JPH3: variants seen among roughly 807,000 people sequenced by gnomAD.
JPH3 encodes the protein junctophilin 3.
A neutral mutation model predicts 59.6 loss-of-function variants in JPH3; 11 were observed. The ratio of observed to expected loss-of-function variants is 0.18; its 90% CI spans 0.12 to 0.31. The LOEUF is 0.31. Among genes scored for constraint, JPH3 ranks in the 10% least tolerant of loss-of-function variants. The pLI, the probability that JPH3 is intolerant of heterozygous loss-of-function variation, is 1.00. For missense variants in JPH3, 1,202 were observed against 1,105.7 expected, an observed-to-expected ratio of 1.09 and a Z score of -1.24; for synonymous variants, 673 against 483.6, an observed-to-expected ratio of 1.39 and a Z score of -5.14.
Position 87,696,696 on chromosome 16 carries a change from G to GA in JPH3, c.*42dup. 3 of 1,526,762 alleles carry GA rather than the reference G, an allele frequency of 2.0e-6. No individual in the cohort carries two copies. Among genetic ancestry groups the GA allele is most frequent in the Non-Finnish European group, 2.7e-6 (3 of 1,104,062 alleles). 94.6% of individuals were successfully genotyped at this position (1,526,762 alleles called of 1,614,324 possible). ...CGGTAGCAAAAATAGAGAAAGGGTA[G>GA]AAAAAAGGGACATTAAAATTAAAAG... On this transcript the variant is annotated 3_prime_UTR_variant, in exon 5 of 5. Coordinates refer to ENST00000284262, the MANE Select transcript of JPH3 (RefSeq NM_020655.4).
rs571500744 is a variant in JPH3 at position 87,625,478 on chromosome 16, G to A, written c.383-18780G>A. ...CTGAACCCTGCCCTTGGTGCTGCAC[G>A]GTCACTTGCCATTTTCGCAGAGGGG... On this transcript the variant is annotated intron_variant, in intron 1 of 4. Transcript: ENST00000284262. Among the ~76,000 whole-genome samples the A allele has an allele frequency of 2.1e-4, 32 of 152,276 alleles. No homozygotes were observed. In the East Asian group the frequency reaches 6.0e-3, roughly 28 times the overall value.
intron 2 of JPH3, among the ~76,000 whole-genome samples, chr16:87,676,038 G>T (rs988287466): frequency 6.6e-6 from 1 of 152,270 alleles, no homozygotes; most frequent in Non-Finnish European, 1.5e-5. Context: ...GGTTTCTGTC[G>T]CAGGCGACGA....
At chr16:87,659,385 AAGAAAAAAAAAAAG>A (rs1270702083) in intron 2 of JPH3, among the ~76,000 whole-genome samples, 13 of 118,304 alleles carry the variant, frequency 1.1e-4, no homozygotes, top group Non-Finnish European at 2.2e-4. Flanking sequence ...AAAAAAAAAA[AAGAAAAAAAAAAAG>A]AAAACTACAC....
intron 1 of JPH3, among the ~76,000 whole-genome samples, chr16:87,616,451 C>T (rs1341670816): frequency 3.3e-5 from 5 of 151,344 alleles, no homozygotes; most frequent in Admixed American, 6.6e-5. Context: ...AGGGTTTCAC[C>T]GTGTTAGCCA....
chr16:87,619,776 T>G (rs2031104734), intron 1 of JPH3, among the ~76,000 whole-genome samples: 1 of 152,154 alleles, frequency 6.6e-6, no homozygotes, highest in South Asian at 2.1e-4. Context: ...CAAAGAGCCC[T>G]AGGACTTCTT....
At chr16:87,676,800 C>T (rs1160828199) in intron 2 of JPH3, among the ~76,000 whole-genome samples, 1 of 151,456 alleles carries the variant, frequency 6.6e-6, no homozygotes, top group African/African-American at 2.4e-5. Flanking sequence ...CTTTGGGAGG[C>T]TGAGGCAAGT....
At chr16:87,679,736 G>A (rs1161583338) in intron 2 of JPH3, among the ~76,000 whole-genome samples, 1 of 152,240 alleles carries the variant, frequency 6.6e-6, no homozygotes, top group Non-Finnish European at 1.5e-5. Flanking sequence ...CAGAGCCTTA[G>A]TCCGGGTGGC....
At chr16:87,681,334 G>A (rs1245808279) in intron 2 of JPH3, among the ~76,000 whole-genome samples, 2 of 144,908 alleles carry the variant, frequency 1.4e-5, no homozygotes, top group Non-Finnish European at 3.0e-5. Context: ...AGGTGCGCGC[G>A]GTCGTGACAG....
At chr16:87,676,876 A>G (rs1055186556) in intron 2 of JPH3, among the ~76,000 whole-genome samples, 2 of 151,768 alleles carry the variant, frequency 1.3e-5, no homozygotes, top group African/African-American at 4.9e-5. Flanking sequence ...TCTCTACTAA[A>G]AATACAAAAA....
chr16:87,684,332 G>T (rs928021418), intron 3 of JPH3, 66 bp downstream of exon 3: 2 of 1,581,232 alleles, frequency 1.3e-6, no homozygotes, highest in African/African-American at 1.3e-5. Flanking sequence ...GGGCAGTCCT[G>T]GCAGCAGATG....
At chr16:87,640,784 G>A (rs984779174) in intron 1 of JPH3, among the ~76,000 whole-genome samples, 5 of 152,226 alleles carry the variant, frequency 3.3e-5, no homozygotes, top group South Asian at 2.1e-4. Flanking sequence ...GTTACCAGGC[G>A]TCCTGTGTTT....
At chr16:87,614,610 G>A (rs2030875713) in intron 1 of JPH3, among the ~76,000 whole-genome samples, 2 of 151,126 alleles carry the variant, frequency 1.3e-5, no homozygotes, top group East Asian at 2.0e-4. Context: ...CAGGATAAAC[G>A]CTGGTCCCTG....
intron 1 of JPH3, among the ~76,000 whole-genome samples, chr16:87,638,564 G>T (rs1369962404): frequency 3.4e-5 from 2 of 58,996 alleles, no homozygotes; most frequent in African/African-American, 1.3e-4. Context: ...GAGGACAAGG[G>T]TTAGGTAGGA....
chr16:87,605,169 C>A (rs889493157), intron 1 of JPH3, among the ~76,000 whole-genome samples: 4 of 152,186 alleles, frequency 2.6e-5, no homozygotes, highest in Non-Finnish European at 4.4e-5. Context: ...TGAGCCTGCT[C>A]CAGGAGGACT....
At chr16:87,645,373 T>C (rs1296842652) in intron 2 of JPH3, among the ~76,000 whole-genome samples, 2 of 152,178 alleles carry the variant, frequency 1.3e-5, no homozygotes, top group African/African-American at 4.8e-5. Context: ...GTACAATGCA[T>C]TGGAGTGCTG....
chr16:87,674,849 C>T (rs1007848417), intron 2 of JPH3, among the ~76,000 whole-genome samples: 1 of 152,164 alleles, frequency 6.6e-6, no homozygotes, highest in African/African-American at 2.4e-5. Flanking sequence ...CAACCTCTGC[C>T]TCTTGGGTTC....
intron 1 of JPH3, among the ~76,000 whole-genome samples, chr16:87,643,329 G>T (rs1473933855): frequency 6.6e-6 from 1 of 152,218 alleles, no homozygotes; most frequent in Non-Finnish European, 1.5e-5. Context: ...TTCCAGCCAT[G>T]GAAACAGTGC....
chr16:87,669,678 G>A (rs1196543869), intron 2 of JPH3, among the ~76,000 whole-genome samples: 2 of 152,208 alleles, frequency 1.3e-5, no homozygotes, highest in East Asian at 1.9e-4. Context: ...GGGACAGTGT[G>A]AGGGCCGCCT....
chr16:87,634,472 C>A (rs1448896793), intron 1 of JPH3, among the ~76,000 whole-genome samples: 3 of 152,214 alleles, frequency 2.0e-5, no homozygotes, highest in African/African-American at 7.2e-5. Context: ...TGGCCGCCTT[C>A]CCAGTGGTGC....
Sources: allele counts gnomAD v4.1 joint callset (sites outside exome capture counted in the v4.1 genomes callset), GRCh38; gene constraint gnomAD v4.1.1; transcripts MANE v1.5; gene names NCBI Gene and HGNC (gene_info 2026-07-23, HGNC 2026-07-21).